The following PCDH10 variants were observed in gnomAD, a reference collection of about 807,000 sequenced individuals.
The protein encoded by PCDH10 is protocadherin 10, also known as protocadherin-10.
Under a neutral mutation model 74.4 loss-of-function variants are expected in PCDH10, and 15 were observed. The observed-to-expected ratio is 0.20, with a 90% CI of 0.13 to 0.31. The LOEUF is 0.31. PCDH10 is among the 10% of genes least tolerant of loss of function. The pLI is 1.00. For synonymous variants in PCDH10, 619 were observed against 589.8 expected, an observed-to-expected ratio of 1.05 and a Z score of -0.72; for missense variants, 1,260 against 1,390.2, an observed-to-expected ratio of 0.91 and a Z score of 1.49.
At chr4:133,201,248 G>A (rs1727904218) in intron 2 of PCDH10, among the ~76,000 whole-genome samples, 1 of 152,056 alleles carries the variant, frequency 6.6e-6, no homozygotes, top group Non-Finnish European at 1.5e-5. Flanking sequence ...GTGAAACATT[G>A]AAAGAAAAAT....
Position 133,151,100 on chromosome 4 carries a change from G to C in PCDH10, c.960G>C (p.Glu320Asp), listed in dbSNP as rs367981995. The stretch of plus-strand genomic sequence containing the variant: ...TAAGCGGCGAGTTGGACTATGAAGA[G>C]AGCCCAGTGTACCAAGTGTACGTGC... The part of the protein sequence containing the change: ...LEVSGELDYE[E>D]SPVYQVYVQA... Residue 320 changes from glutamate to aspartate, a missense_variant, in exon 1 of 5, where the codon GAG (glutamate) becomes GAC (aspartate). Coordinates refer to ENST00000264360, the MANE Select transcript of PCDH10 (RefSeq NM_032961.3). The C allele has an allele frequency of 1.9e-6, 3 of 1,613,994 alleles. No individual in the cohort carries two copies. The highest frequency in any genetic ancestry group is 1.7e-6 in the Non-Finnish European group (2 of 1,180,030).
intron 2 of PCDH10, chr4:133,208,028 T>C (rs1728081380): frequency 6.6e-6 from 1 of 152,224 alleles, no homozygotes; most frequent in Non-Finnish European, 1.5e-5. Context: ...GTTTCCATTT[T>C]GAGGAACTTC....
At position 133,151,259 on chromosome 4, in the gene PCDH10, C is replaced by G. The variant is rs202165977; in HGVS notation, c.1119C>G (p.Pro373=). 2.5e-6 allele frequency: 4 copies of G among 1,613,994 alleles called. No homozygotes were observed. In the East Asian group the frequency reaches 6.7e-5, roughly 27 times the overall value. ...VKEAVSEGAA[P]GTVVALFSVT... is the part of the protein sequence containing the mutation. ...AAGCGGTGAGTGAGGGCGCGGCGCCCGGCACTGTGGTGGCCCTTTTCAGCG... is the reference window on the plus strand; with the variant it reads ...AAGCGGTGAGTGAGGGCGCGGCGCCGGGCACTGTGGTGGCCCTTTTCAGCG... The change falls in exon 1 of 5, where the codon CCC becomes CCG. Residue 373 remains proline (P), a synonymous_variant. Transcript: ENST00000264360.
intron 4 of PCDH10, among the ~76,000 whole-genome samples, chr4:133,185,940 A>T (rs368536064): frequency 8.5e-5 from 13 of 152,302 alleles, no homozygotes; most frequent in East Asian, 7.7e-4. Flanking sequence ...AGGCAATTAC[A>T]TGCAATGAAC....
rs1188174071 is a variant in PCDH10 at position 133,152,708 on chromosome 4, C to G, written c.2568C>G (p.Ile856Met). The G allele has an allele frequency of 6.2e-7, 1 of 1,614,092 alleles. No homozygotes were observed. Among genetic ancestry groups the G allele is most frequent in the Non-Finnish European group, 8.5e-7 (1 of 1,180,054 alleles). The change falls in exon 1 of 5, where the codon ATC (isoleucine) becomes ATG (methionine). Residue 856 changes from isoleucine (I) to methionine (M), a missense_variant. By Grantham distance (10) the Ile-to-Met change is conservative (BLOSUM62 1). This residue lies in a region of PCDH10 where 587 missense variants were observed against 616.9 expected (regional missense o/e 0.95). Transcript: ENST00000264360. ...CTGAGCACAACCCCTGCGGGGCCAT[C>G]GTCACCGGTTACACCGACCAGCAGC... ...TDTEHNPCGA[I>M]VTGYTDQQPD...
At chr4:133,175,523 AAATAAGATTATTATCTT>A in intron 4 of PCDH10, among the ~76,000 whole-genome samples, 1 of 152,262 alleles carries the variant, frequency 6.6e-6, no homozygotes, top group East Asian at 1.9e-4. Flanking sequence ...TGATATATGG[AAATAAGATTATTATCTT>A]AATTTAAAAT....
intron 4 of PCDH10, among the ~76,000 whole-genome samples, chr4:133,189,580 T>C (rs1291914627): frequency 6.6e-6 from 1 of 151,998 alleles, no homozygotes; most frequent in Non-Finnish European, 1.5e-5. Context: ...AAAAAATGTA[T>C]GGGCCATAAA....
intron 3 of PCDH10, among the ~76,000 whole-genome samples, chr4:133,160,499 A>G (rs1333387509): frequency 6.6e-6 from 1 of 151,480 alleles, no homozygotes; most frequent in Non-Finnish European, 1.5e-5. Flanking sequence ...GGAAATTTTA[A>G]CCAAACTCAA....
chr4:133,155,350 C>T (rs1343433510), intron 3 of PCDH10, among the ~76,000 whole-genome samples: 1 of 152,130 alleles, frequency 6.6e-6, no homozygotes, highest in Non-Finnish European at 1.5e-5. Context: ...AGTCTTCAGT[C>T]AATTAAGGTA....
intron 3 of PCDH10, among the ~76,000 whole-genome samples, chr4:133,162,072 A>G (rs1578563219): frequency 6.6e-6 from 1 of 152,166 alleles, no homozygotes; most frequent in Non-Finnish European, 1.5e-5. Flanking sequence ...AATCTTGTCA[A>G]TCTAAGGAAG....
chr4:133,202,885 G>C (rs1026501816), intron 2 of PCDH10, among the ~76,000 whole-genome samples: 1 of 152,182 alleles, frequency 6.6e-6, no homozygotes, highest in Non-Finnish European at 1.5e-5. Context: ...CTCCACAAGT[G>C]AGTTGATCTC....
At chr4:133,164,277 C>G (rs904358825) in intron 4 of PCDH10, among the ~76,000 whole-genome samples, 36 of 151,984 alleles carry the variant, frequency 2.4e-4, no homozygotes, top group Non-Finnish European at 4.3e-4. Context: ...GTTTAACTCA[C>G]AAATCCACAC....
At chr4:133,158,371 T>A (rs2125861454) in intron 3 of PCDH10, among the ~76,000 whole-genome samples, 1 of 152,246 alleles carries the variant, frequency 6.6e-6, no homozygotes, top group African/African-American at 2.4e-5. Flanking sequence ...ATTATAGATT[T>A]ATTTTTAATA....
intron 3 of PCDH10, among the ~76,000 whole-genome samples, chr4:133,158,623 A>G (rs1001138360): frequency 2.0e-5 from 3 of 152,192 alleles, no homozygotes; most frequent in Admixed American, 6.5e-5. Flanking sequence ...AAATTAGTAG[A>G]TAAAATATAC....
chr4:133,163,708 A>G (rs1274842083), intron 4 of PCDH10, among the ~76,000 whole-genome samples: 1 of 152,166 alleles, frequency 6.6e-6, no homozygotes, highest in Admixed American at 6.6e-5. Flanking sequence ...ACTCATAACA[A>G]CTCAATCAAA....
At chr4:133,178,717 G>A (rs1187403961) in intron 4 of PCDH10, among the ~76,000 whole-genome samples, 1 of 151,758 alleles carries the variant, frequency 6.6e-6, no homozygotes, top group Non-Finnish European at 1.5e-5. Context: ...TTATCCATGT[G>A]TTTTCACTAA....
At position 133,151,622 on chromosome 4, in the gene PCDH10, C is replaced by A. The variant is rs761718739; in HGVS notation, c.1482C>A (p.Ala494=). The change falls in exon 1 of 5, where the codon GCC becomes GCA. Residue 494 remains alanine (A), a synonymous_variant. Transcript: ENST00000264360. ...AVSATDRDEG[A]NAQLAYSILE... ...GCGCCACCGACCGGGATGAGGGCGC[C>A]AACGCCCAGCTTGCCTACTCTATCC... 1 of 1,613,802 alleles carries A rather than the reference C, an allele frequency of 6.2e-7. No individual in the cohort carries two copies. Among genetic ancestry groups the A allele is most frequent in the South Asian group, 1.1e-5 (1 of 91,086 alleles).
chr4:133,152,434 G>T lies in PCDH10; in HGVS notation c.2294G>T (p.Gly765Val). ...TGCCTCTGCTGCTGCTGCTGCGGTG[G>T]CGGAGGTTCGACCTGCTGTGGCCGC... ...DCCLCCCCCG[G>V]GGSTCCGRQA... is the part of the protein sequence containing the mutation. The change falls in exon 1 of 5, where the codon GGC (glycine) becomes GTC (valine). Residue 765 changes from glycine (G) to valine (V), a missense_variant. Physicochemically the swap from Gly to Val is moderately radical, Grantham distance 109 (BLOSUM62 -3). Around this residue, in one of 11 missense-constraint regions of PCDH10, gnomAD observed 587 missense variants for 616.9 expected, o/e 0.95. Coordinates refer to ENST00000264360, the MANE Select transcript of PCDH10 (RefSeq NM_032961.3). 1 of 1,614,156 alleles carries T rather than the reference G, an allele frequency of 6.2e-7. No individual in the cohort carries two copies. The highest frequency in any genetic ancestry group is 8.5e-7 in the Non-Finnish European group (1 of 1,180,044).
At chr4:133,170,551 C>A (rs530443131) in intron 4 of PCDH10, among the ~76,000 whole-genome samples, 4 of 152,044 alleles carry the variant, frequency 2.6e-5, no homozygotes, top group African/African-American at 9.7e-5. Context: ...TTATATCTAT[C>A]GAACAGACTT....
Sources: allele counts gnomAD v4.1 joint callset (sites outside exome capture counted in the v4.1 genomes callset), GRCh38; gene constraint gnomAD v4.1.1; regional missense constraint gnomAD v4.1.1; transcripts MANE v1.5; gene names NCBI Gene and HGNC (gene_info 2026-07-23, HGNC 2026-07-21).